The following AGBL1 variants were observed in gnomAD, a reference collection of about 807,000 sequenced individuals.
AGBL1 encodes AGBL carboxypeptidase 1, also known as cytosolic carboxypeptidase 4.
A neutral mutation model predicts 118.9 loss-of-function variants in AGBL1; 130 were observed. The ratio of observed to expected loss-of-function variants is 1.09; its 90% CI spans 0.95 to 1.26. The LOEUF (loss-of-function observed/expected upper bound fraction) is 1.26. AGBL1 is among the 50% of genes most tolerant of loss of function. The pLI is 0.00. For synonymous variants in AGBL1, 555 were observed against 478.9 expected, an observed-to-expected ratio of 1.16 and a Z score of -2.08; for missense variants, 1,584 against 1,298.1, an observed-to-expected ratio of 1.22 and a Z score of -3.38.
intron 21 of AGBL1, among the ~76,000 whole-genome samples, chr15:86,669,177 AAAATC>A (rs2085697769): frequency 1.3e-5 from 2 of 152,234 alleles, no homozygotes; most frequent in African/African-American, 4.8e-5. Flanking sequence ...ACTCAACAGA[AAAATC>A]AAACTACTGT....
chr15:86,192,084 T>C (rs1044473658), intron 5 of AGBL1, among the ~76,000 whole-genome samples: 2 of 151,448 alleles, frequency 1.3e-5, no homozygotes, highest in African/African-American at 4.8e-5. Flanking sequence ...GGGTGGCAGA[T>C]GGAGATCCTG....
Position 86,256,863 on chromosome 15 carries a change from A to T in AGBL1, c.746A>T (p.Asp249Val), listed in dbSNP as rs770396517. 6.2e-7 allele frequency: 1 copy of T among 1,613,810 alleles called. No homozygotes were observed. Among genetic ancestry groups the T allele is most frequent in the Non-Finnish European group, 8.5e-7 (1 of 1,179,836 alleles). Residue 249 changes from aspartate to valine, a missense_variant, in exon 8 of 23, where the codon GAT (aspartate) becomes GTT (valine). Coordinates refer to ENST00000614907, the MANE Select transcript of AGBL1 (RefSeq NM_001386094.1). ...ILFSTTQNCL[D>V]DKSMEPVISV... ...CTTCCCTTTGCTCAGAACTGCCTGG[A>T]TGACAAGAGCATGGAGCCCGTCATC... is the stretch of plus-strand genomic sequence containing the variant.
chr15:86,435,391 G>T (rs2081990041), intron 18 of AGBL1, among the ~76,000 whole-genome samples: 1 of 152,214 alleles, frequency 6.6e-6, no homozygotes, highest in South Asian at 2.1e-4. Flanking sequence ...TACTAGGTGA[G>T]AACCAGGGTG....
At chr15:86,563,863 T>C (rs2083870457) in intron 21 of AGBL1, among the ~76,000 whole-genome samples, 1 of 152,230 alleles carries the variant, frequency 6.6e-6, no homozygotes, top group South Asian at 2.1e-4. Flanking sequence ...TCTTGTTGAA[T>C]TGATCCCTTT....
chr15:86,415,639 T>A (rs2081682781), intron 18 of AGBL1, among the ~76,000 whole-genome samples: 1 of 152,202 alleles, frequency 6.6e-6, no homozygotes, highest in Non-Finnish European at 1.5e-5. Context: ...CTAACTCATT[T>A]TTAGTTCATT....
intron 23 of AGBL1, among the ~76,000 whole-genome samples, chr15:86,953,135 G>A (rs999873172): frequency 6.6e-6 from 1 of 152,086 alleles, no homozygotes; most frequent in Admixed American, 6.5e-5. Flanking sequence ...GTTTACAATT[G>A]CTTTGGCTAT....
rs543928328 is a variant in AGBL1, at chr15:86,552,097, C to T, written c.2818-2264C>T. On this transcript the variant is annotated intron_variant, in intron 20 of 22. Coordinates refer to ENST00000614907, the MANE Select transcript of AGBL1 (RefSeq NM_001386094.1). ...CATTTTTTCAAACCCATAAGATGTACAACACCAAAAGTGAAGAGAATCCTC... is the reference window on the plus strand; with the variant it reads ...CATTTTTTCAAACCCATAAGATGTATAACACCAAAAGTGAAGAGAATCCTC... Among the ~76,000 whole-genome samples the T allele has an allele frequency of 2.6e-5, 4 of 152,206 alleles. No individual in the cohort carries two copies. In the East Asian group the frequency reaches 7.7e-4, roughly 29 times the overall value.
intron 24 of AGBL1, among the ~76,000 whole-genome samples, chr15:86,993,102 C>T (rs1567276528): frequency 6.6e-6 from 1 of 152,108 alleles, no homozygotes; most frequent in African/African-American, 2.4e-5. Flanking sequence ...TAATATTTGA[C>T]ATAAATAGTT....
intron 21 of AGBL1, among the ~76,000 whole-genome samples, chr15:86,556,740 A>C (rs548144097): frequency 2.2e-4 from 34 of 152,190 alleles, no homozygotes; most frequent in Non-Finnish European, 4.1e-4. Flanking sequence ...TGAGATTATT[A>C]TTCTAAGGTC....
intron 17 of AGBL1, among the ~76,000 whole-genome samples, chr15:86,364,282 G>T (rs2080846973): frequency 6.6e-6 from 1 of 152,148 alleles, no homozygotes; most frequent in Non-Finnish European, 1.5e-5. Context: ...GAACATGAAT[G>T]CGAACTCACT....
intron 5 of AGBL1, among the ~76,000 whole-genome samples, chr15:86,211,323 A>G (rs991215449): frequency 3.9e-5 from 6 of 152,188 alleles, no homozygotes; most frequent in African/African-American, 1.4e-4. Flanking sequence ...CAGTTTGTCC[A>G]TTCTCAGAGC....
intron 21 of AGBL1, among the ~76,000 whole-genome samples, chr15:86,597,132 T>TATCCATCCATCCATCCATCC (rs57387070): frequency 1.4e-4 from 21 of 147,504 alleles, no homozygotes; most frequent in African/African-American, 4.0e-4. Flanking sequence ...AATCTACCTA[T>TATCCATCCATCCATCCATCC]ATCCATCCAT....
At chr15:86,646,181 T>C (rs1391403730) in intron 21 of AGBL1, among the ~76,000 whole-genome samples, 2 of 152,212 alleles carry the variant, frequency 1.3e-5, no homozygotes, top group Non-Finnish European at 2.9e-5. Context: ...CAGTAGAATA[T>C]GCATCAGGGC....
chr15:86,570,042 C>T (rs2083980609), intron 21 of AGBL1, among the ~76,000 whole-genome samples: 1 of 152,166 alleles, frequency 6.6e-6, no homozygotes, highest in South Asian at 2.1e-4. Flanking sequence ...TGACTTAATC[C>T]AGAGTTTTAT....
chr15:86,863,590 C>T (rs547246968), intron 22 of AGBL1, among the ~76,000 whole-genome samples: 1 of 151,660 alleles, frequency 6.6e-6, no homozygotes, highest in South Asian at 2.1e-4. Context: ...AGAGAAGTCA[C>T]CATCTCTTGC....
intron 6 of AGBL1, among the ~76,000 whole-genome samples, chr15:86,231,827 A>T (rs1286272960): frequency 2.0e-5 from 3 of 152,186 alleles, no homozygotes; most frequent in South Asian, 4.1e-4. Context: ...CCTAAAGAAG[A>T]TATGACTGGA....
chr15:86,224,962 C>A lies in AGBL1; in HGVS notation c.526+11C>A. The stretch of plus-strand genomic sequence containing the variant: ...CATTGCTGAAATCCAGTAAGCACCT[C>A]TTTTGAAGGGTGGCTATTTCTCTCC... On this transcript the variant is annotated intron_variant, in intron 6 of 22. Transcript: ENST00000614907. 1 of 1,612,404 alleles carries A rather than the reference C, an allele frequency of 6.2e-7. No homozygotes were observed. Among genetic ancestry groups the A allele is most frequent in the Non-Finnish European group, 8.5e-7 (1 of 1,179,108 alleles).
At chr15:86,569,360 C>T (rs1393122085) in intron 21 of AGBL1, among the ~76,000 whole-genome samples, 1 of 150,792 alleles carries the variant, frequency 6.6e-6, no homozygotes, top group Non-Finnish European at 1.5e-5. Context: ...GATCATGTCA[C>T]TGCACTCCCA....
chr15:86,253,901 T>G lies in AGBL1; in HGVS notation c.736-2952T>G, dbSNP rs568239592. On this transcript the variant is annotated intron_variant, in intron 7 of 22. Transcript: ENST00000614907. ...GAAACTCTATACCCATTAAACTGAT[T>G]TATGCTTTTAAAGGACCATTCTGGC... Among the ~76,000 whole-genome samples the G allele has an allele frequency of 2.0e-5, 3 of 152,248 alleles. No homozygotes were observed. The East Asian group carries it at 5.8e-4, about 29-fold the overall frequency.
Sources: allele counts gnomAD v4.1 joint callset (sites outside exome capture counted in the v4.1 genomes callset), GRCh38; gene constraint gnomAD v4.1.1; transcripts MANE v1.5; gene names NCBI Gene and HGNC (gene_info 2026-07-23, HGNC 2026-07-21).